CCDC14: variants seen among roughly 807,000 people sequenced by gnomAD.
CCDC14 encodes coiled-coil domain-containing protein 14.
A neutral mutation model predicts 81.4 loss-of-function variants in CCDC14; 71 were observed. That is an observed-to-expected ratio of 0.87 (90% confidence interval 0.72 to 1.06). The LOEUF (loss-of-function observed/expected upper bound fraction) is 1.06. CCDC14 is among the 50% of genes least tolerant of loss of function. CCDC14 has a pLI of 0.00. For synonymous variants in CCDC14, 332 were observed against 364.8 expected (o/e 0.91, Z 1.03); for missense variants, 1,046 against 1,047.3 (o/e 1.00, Z 0.02).
chr3:123,889,036 C>A, the CCDC14 span, among the ~76,000 whole-genome samples: 2 of 152,168 alleles, frequency 1.3e-5, no homozygotes, highest in Admixed American at 6.5e-5. Flanking sequence ...TGCCTATGAA[C>A]CTGTAAAATC....
At chr3:123,917,775 C>G (rs2251053) in intron 12 of CCDC14, among the ~76,000 whole-genome samples, 18,428 of 151,958 alleles carry the variant, frequency 0.12, 2,688 homozygotes, top group East Asian at 0.36. Context: ...GGAGAGGAAA[C>G]TGCCAATACA....
intron 9 of CCDC14, among the ~76,000 whole-genome samples, chr3:123,934,261 ACTCTGCCTC>A (rs2035925421): frequency 1.0e-5 from 1 of 97,222 alleles, no homozygotes; most frequent in African/African-American, 4.2e-5. Context: ...AAAGAGTGAG[ACTCTGCCTC>A]AAAAAAAAAA....
chr3:123,902,419 C>T lies in CCDC14; in HGVS notation c.668-4806G>A, dbSNP rs777549613. Among the ~76,000 whole-genome samples the T allele has an allele frequency of 1.3e-4, 20 of 152,304 alleles. 1 individual carries two copies. Among genetic ancestry groups the T allele is most frequent in the Middle Eastern group, 6.8e-3 (2 of 294 alleles). ...GAGACAACCAAACATTATGTGACTC[C>T]TGATGGAGAAACAATCACTGCCTTT... On this transcript the variant is annotated intron_variant, in intron 5 of 5. Transcript: ENST00000479903.
chr3:123,950,560 AG>A (rs749048304), intron 5 of CCDC14, among the ~76,000 whole-genome samples: 3 of 152,208 alleles, frequency 2.0e-5, no homozygotes, highest in African/African-American at 2.4e-5. Flanking sequence ...TCACATTTAT[AG>A]GAAGTCATCA....
At chr3:123,919,757 T>C (rs1166503542) in intron 12 of CCDC14, among the ~76,000 whole-genome samples, 2 of 152,290 alleles carry the variant, frequency 1.3e-5, no homozygotes, top group African/African-American at 4.8e-5. Flanking sequence ...ATAGTGAAGG[T>C]CTATCCCCTT....
chr3:123,902,017 C>G (rs2148759297), intron 5 of CCDC14, among the ~76,000 whole-genome samples: 1 of 152,168 alleles, frequency 6.6e-6, no homozygotes, highest in Non-Finnish European at 1.5e-5. Flanking sequence ...GTAAAGCTTC[C>G]AAAGATCAAA....
chr3:123,888,076 T>TA, the CCDC14 span, among the ~76,000 whole-genome samples: 2 of 152,010 alleles, frequency 1.3e-5, no homozygotes, highest in African/African-American at 4.8e-5. Flanking sequence ...CAAAAAAAAA[T>TA]AAAAAATAAA....
In CCDC14 at chr3:123,914,771, T is replaced by A. The variant is rs778759215; in HGVS notation, c.*8A>T. On this transcript the variant is annotated 3_prime_UTR_variant, in exon 13 of 13. Transcript: ENST00000409697. ...AAAAAGAAGCACCTGATGAGTTTTCTTCTGAATTCATTTCTCCAGAAGACC... is the reference window on the plus strand; with the variant it reads ...AAAAAGAAGCACCTGATGAGTTTTCATCTGAATTCATTTCTCCAGAAGACC... 18 of 1,500,518 alleles carry A rather than the reference T, an allele frequency of 1.2e-5. No individual in the cohort carries two copies. Among genetic ancestry groups the A allele is most frequent in the Non-Finnish European group, 1.6e-5 (18 of 1,124,554 alleles). 93.0% of individuals were successfully genotyped at this position (1,500,518 alleles called of 1,614,324 possible).
At chr3:123,944,814 C>A in intron 9 of CCDC14, 35 bp downstream of exon 9, 1 of 1,575,610 alleles carries the variant, frequency 6.3e-7, no homozygotes, top group Non-Finnish European at 8.7e-7. Flanking sequence ...GACATCTTTG[C>A]ATACAGACAA....
chr3:123,927,659 T>C (rs2035450584), intron 12 of CCDC14, among the ~76,000 whole-genome samples: 1 of 151,814 alleles, frequency 6.6e-6, no homozygotes, highest in Non-Finnish European at 1.5e-5. Flanking sequence ...AAAAAACTGA[T>C]AGGAAAATTC....
At position 123,955,956 on chromosome 3, in the gene CCDC14, G is replaced by T. The variant is rs1427757628; in HGVS notation, c.239C>A (p.Thr80Lys). Reference protein sequence around the residue: ...ILRNEDSGSETAYLENRSNSR... With the variant: ...ILRNEDSGSEKAYLENRSNSR... Reference sequence around the variant, plus strand: ...ATTAGATCTGTTTTCTAAATATGCTGTTTCTGAACCTATTAATAAAACAAA... The same window carrying T: ...ATTAGATCTGTTTTCTAAATATGCTTTTTCTGAACCTATTAATAAAACAAA... Residue 80 changes from threonine to lysine, a missense_variant, in exon 5 of 13, where the codon ACA becomes AAA. Thr to Lys is a moderately conservative substitution (Grantham distance 78, BLOSUM62 -1). Transcript: ENST00000409697. 6.5e-7 allele frequency: 1 copy of T among 1,526,742 alleles called. No individual in the cohort carries two copies. Among genetic ancestry groups the T allele is most frequent in the South Asian group, 1.3e-5 (1 of 79,374 alleles). 94.6% of individuals were successfully genotyped at this position (1,526,742 alleles called of 1,614,324 possible).
At chr3:123,961,067 T>C (rs2037655934) in intron 1 of CCDC14, 77 bp downstream of exon 1, 1 of 1,281,252 alleles carries the variant, frequency 7.8e-7, no homozygotes, top group Non-Finnish European at 1.1e-6. Flanking sequence ...CGAGCAGAGT[T>C]TTACAAGTTC....
chr3:123,931,569 A>T lies in CCDC14; in HGVS notation c.1427-43T>A, dbSNP rs371026870. On this transcript the variant is annotated intron_variant, in intron 10 of 12. Transcript: ENST00000409697. ...ATCAAATAGTTGTTTCCCAAACCTA[A>T]AAAGTACAAACTTGGAAAATACCTG... 2,881 of 1,162,530 alleles carry T rather than the reference A, an allele frequency of 2.5e-3. 10 individuals carry two copies. Among genetic ancestry groups the T allele is most frequent in the Non-Finnish European group, 3.2e-3 (2,651 of 833,754 alleles). 72.0% of individuals were successfully genotyped at this position (1,162,530 alleles called of 1,614,324 possible). A position where few individuals can be genotyped will look rare whatever the true frequency, so the allele number is the denominator to read the frequency against.
intron 5 of CCDC14, chr3:123,953,296 G>GC (rs2037136475): frequency 6.6e-6 from 1 of 152,210 alleles, no homozygotes; most frequent in Non-Finnish European, 1.5e-5. Context: ...GAAGGATGAG[G>GC]TAATGTTTCC....
At chr3:123,913,322 G>A, downstream of CCDC14, 1 of 947,016 alleles carries the variant, frequency 1.1e-6, no homozygotes, top group African/African-American at 1.8e-5. Context: ...AAGGATGGCT[G>A]TTCCATGTTA....
chr3:123,902,734 A>C (rs2034202877), intron 5 of CCDC14, among the ~76,000 whole-genome samples: 1 of 152,188 alleles, frequency 6.6e-6, no homozygotes, highest in Non-Finnish European at 1.5e-5. Context: ...GTAAGATGTA[A>C]ATACTAGCTA....
intron 6 of CCDC14, 33 bp downstream of exon 6, chr3:123,948,863 C>A: frequency 5.6e-6 from 9 of 1,593,360 alleles, no homozygotes; most frequent in Non-Finnish European, 7.7e-6. Flanking sequence ...TTAGAACTTA[C>A]ACTCACGATT....
At chr3:123,908,728 GGT>G (rs1249366567), downstream of CCDC14, among the ~76,000 whole-genome samples, 1 of 152,130 alleles carries the variant, frequency 6.6e-6, no homozygotes, top group Non-Finnish European at 1.5e-5. Flanking sequence ...TTTGTAGACT[GGT>G]TGGGATATGG....
At chr3:123,886,981 G>A in the CCDC14 span, among the ~76,000 whole-genome samples, 1 of 152,062 alleles carries the variant, frequency 6.6e-6, no homozygotes, top group Non-Finnish European at 1.5e-5. Flanking sequence ...ACAAAAGGGA[G>A]GATGAAATTA....
Sources: gnomAD v4.1 joint callset for allele counts (sites outside exome capture counted in the v4.1 genomes callset) on GRCh38, gnomAD v4.1.1 for gene constraint, MANE v1.5 for transcripts, NCBI Gene and HGNC (gene_info 2026-07-23, HGNC 2026-07-21) for gene names.